Variants in CSMD2 observed in about 807,000 individuals in gnomAD.
CSMD2 encodes CUB and Sushi multiple domains 2.
A neutral mutation model predicts 398.5 loss-of-function variants in CSMD2; 130 were observed. That is an observed-to-expected ratio of 0.33 (90% confidence interval 0.28 to 0.38). CSMD2 has a LOEUF of 0.38. CSMD2 is among the 10% of genes least tolerant of loss of function. The pLI is 1.00. For missense variants in CSMD2, 3,829 were observed against 4,764.9 expected (o/e 0.80, Z 5.78); for synonymous variants, 1,828 against 1,908.5 (o/e 0.96, Z 1.10).
At chr1:33,628,668 CAAAA>C (rs35461345) in intron 32 of CSMD2, among the ~76,000 whole-genome samples, 9 of 84,008 alleles carry the variant, frequency 1.1e-4, no homozygotes, top group African/African-American at 2.6e-4. Context: ...GACTCTGTCT[CAAAA>C]AAAAAAAAAA....
intron 5 of CSMD2, among the ~76,000 whole-genome samples, chr1:33,877,108 T>C (rs1640893004): frequency 6.6e-6 from 1 of 152,218 alleles, no homozygotes; most frequent in Non-Finnish European, 1.5e-5. Flanking sequence ...GATCGATGTG[T>C]GGGCAGAAGG....
chr1:33,811,567 T>C (rs532674908), intron 9 of CSMD2, among the ~76,000 whole-genome samples: 6 of 152,312 alleles, frequency 3.9e-5, no homozygotes, highest in Non-Finnish European at 5.9e-5. Flanking sequence ...AGCTTATCCC[T>C]GAAACTGGCT....
intron 13 of CSMD2, among the ~76,000 whole-genome samples, chr1:33,758,884 C>T (rs1649409244): frequency 6.6e-6 from 1 of 152,338 alleles, no homozygotes; most frequent in African/African-American, 2.4e-5. Context: ...GCTCTAGGCA[C>T]AACGTGGTCC....
In CSMD2 at chr1:33,559,587, A is replaced by G. The variant is rs1658360226; in HGVS notation, c.8381-114T>C. ...ATCAGTGAAGTTCAGCCCTAAGTCT[A>G]ACTTCAATCTCTTTTGCTGTAAAAC... On this transcript the variant is annotated intron_variant, in intron 53 of 70. Coordinates refer to ENST00000373381, the MANE Select transcript of CSMD2 (RefSeq NM_001281956.2). The surrounding 1 kb of genome is among the most constrained non-coding windows in gnomAD (Gnocchi z 4.0). 5.7e-6 allele frequency: 5 copies of G among 882,394 alleles called. No individual in the cohort carries two copies. In the Admixed American group the frequency reaches 9.9e-5, roughly 17 times the overall value. 54.7% of individuals were successfully genotyped at this position (882,394 alleles called of 1,614,324 possible). A position where few individuals can be genotyped will look rare whatever the true frequency, so the allele number is the denominator to read the frequency against.
intron 55 of CSMD2, among the ~76,000 whole-genome samples, chr1:33,554,132 A>G (rs1300494393): frequency 6.6e-6 from 1 of 151,886 alleles, no homozygotes; most frequent in African/African-American, 2.4e-5. Context: ...AGCTAAGCTA[A>G]TTGATGAAGG....
intron 38 of CSMD2, 42 bp downstream of exon 38, chr1:33,617,457 A>G: frequency 2.7e-6 from 4 of 1,482,330 alleles, no homozygotes; most frequent in Non-Finnish European, 1.9e-6. Flanking sequence ...ACCACATCTC[A>G]GGGGACACCT....
chr1:33,654,452 C>T (rs1264142476), intron 27 of CSMD2, among the ~76,000 whole-genome samples: 3 of 152,140 alleles, frequency 2.0e-5, no homozygotes, highest in Non-Finnish European at 4.4e-5. Flanking sequence ...AGGCGTGCTT[C>T]TCCCCGCTGG....
chr1:34,031,510 G>A (rs1232975721), intron 3 of CSMD2, among the ~76,000 whole-genome samples: 1 of 152,008 alleles, frequency 6.6e-6, no homozygotes, highest in Non-Finnish European at 1.5e-5. Flanking sequence ...ACTTTCTCAG[G>A]AGCCTTCTCA....
chr1:33,624,703 CT>C lies in CSMD2; in HGVS notation c.5501-61del. 6.3e-7 allele frequency: 1 copy of C among 1,575,626 alleles called. No individual in the cohort carries two copies. Among genetic ancestry groups the C allele is most frequent in the Non-Finnish European group, 8.6e-7 (1 of 1,156,078 alleles). On this transcript the variant is annotated intron_variant, in intron 34 of 70. Coordinates refer to ENST00000373381, the MANE Select transcript of CSMD2 (RefSeq NM_001281956.2). This position sits in a 1 kb window ranked among gnomAD's most constrained non-coding sequence, Gnocchi z 4.7. ...GGCCTCCCGTGGGAGCCTTCCCAAG[CT>C]GACTCCTCCCTCATGGCCCCCAGCC...
chr1:33,623,720 A>G (rs1641919210), intron 35 of CSMD2, among the ~76,000 whole-genome samples: 1 of 152,246 alleles, frequency 6.6e-6, no homozygotes, highest in African/African-American at 2.4e-5. Flanking sequence ...GAGAATGGGG[A>G]AAAGAAGTTC....
chr1:33,844,715 G>A (rs1026902106), intron 6 of CSMD2, among the ~76,000 whole-genome samples: 1 of 152,180 alleles, frequency 6.6e-6, no homozygotes, highest in African/African-American at 2.4e-5. Flanking sequence ...ACTGTAAAAT[G>A]GGACGGGTAA....
intron 1 of CSMD2, among the ~76,000 whole-genome samples, chr1:34,114,683 A>C (rs1486023218): frequency 6.6e-6 from 1 of 152,170 alleles, no homozygotes; most frequent in African/African-American, 2.4e-5. Flanking sequence ...GGGAAACAGG[A>C]TGAGACCCTG....
chr1:33,939,763 C>T (rs181704554), intron 3 of CSMD2, among the ~76,000 whole-genome samples: 84 of 152,206 alleles, frequency 5.5e-4, no homozygotes, highest in African/African-American at 1.8e-3. Context: ...CATTTCCAAC[C>T]CCACCTGCTT....
chr1:33,589,716 C>T (rs887672003), intron 44 of CSMD2, among the ~76,000 whole-genome samples: 2 of 152,142 alleles, frequency 1.3e-5, no homozygotes, highest in African/African-American at 4.8e-5. Flanking sequence ...ACGGTGAAAC[C>T]CCGCAGCTTG....
At chr1:33,923,042 A>C (rs1342157011) in intron 4 of CSMD2, among the ~76,000 whole-genome samples, 1 of 152,194 alleles carries the variant, frequency 6.6e-6, no homozygotes, top group Non-Finnish European at 1.5e-5. Context: ...CAACTCACAT[A>C]CTTTTTTTTT....
chr1:34,066,435 C>A (rs1379093477), intron 2 of CSMD2, among the ~76,000 whole-genome samples: 1 of 152,048 alleles, frequency 6.6e-6, no homozygotes, highest in Non-Finnish European at 1.5e-5. Context: ...TCTTGAAACA[C>A]CAACAAAGTC....
intron 6 of CSMD2, among the ~76,000 whole-genome samples, chr1:33,844,740 C>T (rs938410355): frequency 1.3e-5 from 2 of 152,298 alleles, no homozygotes; most frequent in Admixed American, 6.5e-5. Flanking sequence ...ATCTCCTTCA[C>T]GCAGTTGCTG....
At chr1:33,795,558 C>T (rs1001774787) in intron 10 of CSMD2, among the ~76,000 whole-genome samples, 4 of 152,220 alleles carry the variant, frequency 2.6e-5, no homozygotes, top group South Asian at 2.1e-4. Context: ...CCCTGACTTA[C>T]GCAGGCTCTT....
chr1:33,594,020 T>C (rs982702592), intron 44 of CSMD2, among the ~76,000 whole-genome samples: 1 of 152,200 alleles, frequency 6.6e-6, no homozygotes, highest in African/African-American at 2.4e-5. Context: ...TTATCCCTTT[T>C]CCACCTTCTT....
Sources: gnomAD v4.1 joint callset for allele counts (sites outside exome capture counted in the v4.1 genomes callset) on GRCh38, gnomAD v4.1.1 for gene constraint, Gnocchi (gnomAD v3.1) non-coding constraint, MANE v1.5 for transcripts, NCBI Gene and HGNC (gene_info 2026-07-23, HGNC 2026-07-21) for gene names.